Variants in TNKS observed in about 807,000 individuals in gnomAD.
TNKS encodes the protein poly [ADP-ribose] polymerase tankyrase-1.
TNKS carries 72 observed loss-of-function variants against 135.8 expected under a neutral mutation model. The ratio of observed to expected loss-of-function variants is 0.53; its 90% CI spans 0.44 to 0.64. The LOEUF is 0.64. Ranked by LOEUF, TNKS falls within the 30% of genes least tolerant of loss-of-function variation. The pLI, the probability that TNKS is intolerant of heterozygous loss-of-function variation, is 0.00. For missense variants in TNKS, 1,769 were observed against 1,674.0 expected, an observed-to-expected ratio of 1.06 and a Z score of -0.99; for synonymous variants, 849 against 649.3, an observed-to-expected ratio of 1.31 and a Z score of -4.68.
intron 3 of TNKS, among the ~76,000 whole-genome samples, chr8:9,653,257 A>C (rs1322255612): frequency 1.3e-5 from 2 of 152,146 alleles, no homozygotes; most frequent in Non-Finnish European, 1.5e-5. Context: ...TAACCACATC[A>C]AGCAAAGATA....
chr8:9,605,022 C>T (rs1463133134), intron 2 of TNKS, among the ~76,000 whole-genome samples: 2 of 151,902 alleles, frequency 1.3e-5, no homozygotes, highest in African/African-American at 4.8e-5. Flanking sequence ...TCAACTTTAT[C>T]AAGTTTGAAG....
intron 1 of TNKS, among the ~76,000 whole-genome samples, chr8:9,560,175 C>T (rs1797268130): frequency 6.6e-6 from 1 of 151,972 alleles, no homozygotes; most frequent in African/African-American, 2.4e-5. Context: ...TTAAAGGACC[C>T]ATATATTCTG....
chr8:9,731,816 C>G (rs1805456147), intron 14 of TNKS, among the ~76,000 whole-genome samples: 1 of 152,154 alleles, frequency 6.6e-6, no homozygotes, highest in Non-Finnish European at 1.5e-5. Flanking sequence ...GAGACAGAGT[C>G]TCGCTCTGTC....
intron 3 of TNKS, among the ~76,000 whole-genome samples, chr8:9,642,001 C>T (rs114914113): frequency 0.013 from 1,839 of 146,306 alleles, 209 homozygotes; most frequent in African/African-American, 0.026. Context: ...CAATTTTTTG[C>T]ACTTCTGAAC....
chr8:9,607,439 C>T (rs1799271903), intron 2 of TNKS, among the ~76,000 whole-genome samples: 1 of 152,140 alleles, frequency 6.6e-6, no homozygotes, highest in African/African-American at 2.4e-5. Context: ...TTCTTTGATT[C>T]CACATGCAAA....
intron 1 of TNKS, among the ~76,000 whole-genome samples, chr8:9,573,224 T>A (rs756605872): frequency 6.6e-6 from 1 of 152,188 alleles, no homozygotes; most frequent in East Asian, 1.9e-4. Flanking sequence ...AACAGTTAAA[T>A]TGAGCAAAGA....
chr8:9,679,051 T>G (rs1239846199), intron 3 of TNKS, among the ~76,000 whole-genome samples: 1 of 152,174 alleles, frequency 6.6e-6, no homozygotes, highest in Non-Finnish European at 1.5e-5. Context: ...TGTTAGATCT[T>G]GAATACCCTA....
chr8:9,625,509 G>A (rs1034919388), intron 3 of TNKS, among the ~76,000 whole-genome samples: 1 of 151,720 alleles, frequency 6.6e-6, no homozygotes, highest in Non-Finnish European at 1.5e-5. Context: ...TTTTCCTAAT[G>A]TATGTATTTA....
rs146811001 is a variant in TNKS at position 9,674,251 on chromosome 8, A to G, written c.995-5700A>G. On this transcript the variant is annotated intron_variant, in intron 3 of 26. Coordinates refer to ENST00000310430, the MANE Select transcript of TNKS (RefSeq NM_003747.3). ...TGTTCATTTTCCAGATGACAGTAAA[A>G]TGAAGGTTCTGTGAAGCATGAAGTG... 1.4e-4 allele frequency among the ~76,000 whole-genome samples: 21 copies of G among 152,330 alleles called. No individual in the cohort carries two copies. In the East Asian group the frequency reaches 2.5e-3, roughly 18 times the overall value.
rs192528329 is a variant in TNKS, at chr8:9,568,635, A to C, written c.674-11524A>C. Among the ~76,000 whole-genome samples the C allele has an allele frequency of 1.8e-3, 273 of 152,342 alleles. 3 individuals are homozygous for C. Among genetic ancestry groups the C allele is most frequent in the African/African-American group, 6.1e-3 (254 of 41,580 alleles). The stretch of plus-strand genomic sequence containing the variant: ...TATTTTACACTTTGCAAGTCACTTT[A>C]ATGTCTGGCTTAAAAAGAGATAGCT... On this transcript the variant is annotated intron_variant, in intron 1 of 26. Transcript: ENST00000310430.
At chr8:9,653,452 A>G (rs1554460150) in intron 3 of TNKS, among the ~76,000 whole-genome samples, 1 of 151,946 alleles carries the variant, frequency 6.6e-6, no homozygotes, top group Non-Finnish European at 1.5e-5. Flanking sequence ...GAGGTCCAAG[A>G]TTGGGCAGCT....
chr8:9,585,013 A>G (rs1412696163), intron 2 of TNKS, among the ~76,000 whole-genome samples: 3 of 152,186 alleles, frequency 2.0e-5, no homozygotes, highest in East Asian at 1.9e-4. Flanking sequence ...GATTAAGACA[A>G]CAATCAGAAT....
intron 3 of TNKS, among the ~76,000 whole-genome samples, chr8:9,675,682 T>A (rs1477234836): frequency 6.6e-6 from 1 of 152,216 alleles, no homozygotes; most frequent in East Asian, 1.9e-4. Context: ...TTTTAAGTTG[T>A]TTGATTGTTA....
At chr8:9,682,157 A>G (rs1213648184) in intron 5 of TNKS, among the ~76,000 whole-genome samples, 5 of 152,102 alleles carry the variant, frequency 3.3e-5, no homozygotes, top group Non-Finnish European at 4.4e-5. Flanking sequence ...AGATAAAGTG[A>G]TTTCTATCAC....
At chr8:9,708,104 G>A (rs771573478) in intron 8 of TNKS, among the ~76,000 whole-genome samples, 4 of 152,070 alleles carry the variant, frequency 2.6e-5, no homozygotes, top group Admixed American at 1.3e-4. Context: ...TAGGTTTCCT[G>A]TTTCAAAATT....
intron 11 of TNKS, among the ~76,000 whole-genome samples, chr8:9,715,369 G>T (rs1351098263): frequency 3.7e-4 from 9 of 24,174 alleles, no homozygotes; most frequent in Admixed American, 6.9e-4. Flanking sequence ...CAGGGGGGGC[G>T]GGTATGATCA....
intron 2 of TNKS, among the ~76,000 whole-genome samples, chr8:9,580,694 A>T (rs1480540571): frequency 6.6e-6 from 1 of 152,184 alleles, no homozygotes; most frequent in Admixed American, 6.5e-5. Flanking sequence ...CCTACCATCA[A>T]TGAGAGCCAT....
At chr8:9,603,280 C>T (rs921443474) in intron 2 of TNKS, among the ~76,000 whole-genome samples, 3 of 152,118 alleles carry the variant, frequency 2.0e-5, no homozygotes, top group Non-Finnish European at 4.4e-5. Flanking sequence ...CTTGAGGACT[C>T]CTGACCTGAA....
At chr8:9,620,910 T>C (rs1023070494) in intron 3 of TNKS, among the ~76,000 whole-genome samples, 4 of 152,198 alleles carry the variant, frequency 2.6e-5, no homozygotes, top group African/African-American at 9.7e-5. Context: ...GTCTGTCTTG[T>C]TTACTTCTTT....
Sources: gnomAD v4.1 joint callset for allele counts (sites outside exome capture counted in the v4.1 genomes callset) on GRCh38, gnomAD v4.1.1 for gene constraint, MANE v1.5 for transcripts, NCBI Gene and HGNC (gene_info 2026-07-23, HGNC 2026-07-21) for gene names.